Variants in SIPA1L3 observed in about 807,000 individuals in gnomAD.
SIPA1L3 encodes signal-induced proliferation-associated 1-like protein 3.
A neutral mutation model predicts 150.1 loss-of-function variants in SIPA1L3; 59 were observed. The ratio of observed to expected loss-of-function variants is 0.39; its 90% CI spans 0.32 to 0.49. The LOEUF is 0.49. Ranked by LOEUF, SIPA1L3 falls within the 20% of genes least tolerant of loss-of-function variation. The pLI is 0.86. For missense variants in SIPA1L3, 2,211 were observed against 2,489.5 expected, an observed-to-expected ratio of 0.89 and a Z score of 2.38; for synonymous variants, 1,070 against 1,077.6, an observed-to-expected ratio of 0.99 and a Z score of 0.14.
rs1208564710 is a variant in SIPA1L3, at chr19:38,207,341, AG to A, written c.*1105del. The A allele has an allele frequency of 6.6e-6, 1 of 151,414 alleles. No homozygotes were observed. Among genetic ancestry groups the A allele is most frequent in the East Asian group, 2.0e-4 (1 of 5,116 alleles). 9.4% of individuals were successfully genotyped at this position (151,414 alleles called of 1,614,324 possible). ...GGACGCTGGTTCTCTAAAGGCAATA[AG>A]GGGCGGCCATGCCGGTGTGGTACCA... On this transcript the variant is annotated 3_prime_UTR_variant, in exon 22 of 22. Transcript: ENST00000222345.
intron 1 of SIPA1L3, among the ~76,000 whole-genome samples, chr19:37,917,158 G>A (rs184066260): frequency 2.4e-4 from 36 of 152,010 alleles, no homozygotes; most frequent in South Asian, 1.5e-3. Context: ...CACATTAAGC[G>A]TTTGACATAC....
At chr19:38,097,883 C>T (rs1970413509) in intron 4 of SIPA1L3, among the ~76,000 whole-genome samples, 1 of 152,146 alleles carries the variant, frequency 6.6e-6, no homozygotes, top group African/African-American at 2.4e-5. Context: ...TTTGGATATA[C>T]CTCACCATAC....
chr19:38,186,646 C>T (rs559907160), intron 16 of SIPA1L3, among the ~76,000 whole-genome samples: 1 of 151,576 alleles, frequency 6.6e-6, no homozygotes, highest in South Asian at 2.1e-4. Flanking sequence ...TGAGCCACCG[C>T]ACCCGGCCCC....
intron 19 of SIPA1L3, among the ~76,000 whole-genome samples, chr19:38,199,112 G>A (rs1263546305): frequency 1.3e-5 from 2 of 152,178 alleles, no homozygotes; most frequent in Admixed American, 6.5e-5. Context: ...AGGCCTGCAG[G>A]GATCCTCACT....
intron 8 of SIPA1L3, among the ~76,000 whole-genome samples, chr19:38,111,570 C>T (rs1394023258): frequency 6.6e-6 from 1 of 152,178 alleles, no homozygotes; most frequent in Non-Finnish European, 1.5e-5. Flanking sequence ...CCAGTAGTCA[C>T]CGCGAAATTA....
intron 8 of SIPA1L3, among the ~76,000 whole-genome samples, chr19:38,111,024 G>GTTT (rs528494849): frequency 7.2e-6 from 1 of 138,258 alleles, no homozygotes. Context: ...GTTGTTTTGG[G>GTTT]TTTTTTTTTT....
rs766878556 is a variant in SIPA1L3, at chr19:38,192,250, T to C, written c.4536T>C (p.Asp1512=). Residue 1512 remains aspartate (D), a synonymous_variant, in exon 17 of 22, where the codon GAT becomes GAC. Transcript: ENST00000222345. ...PRKNYKSTIE[D]DLKKLIIMDN... ...AGAACTACAAATCCACCATCGAGGA[T>C]GACCTGAAGAAACTCATCATCATGG... 3 of 1,613,372 alleles carry C rather than the reference T, an allele frequency of 1.9e-6. No homozygotes were observed. The South Asian group carries it at 3.3e-5, about 18-fold the overall frequency.
chr19:38,050,210 C>T (rs963763386), intron 2 of SIPA1L3, among the ~76,000 whole-genome samples: 1 of 152,174 alleles, frequency 6.6e-6, no homozygotes, highest in African/African-American at 2.4e-5. Flanking sequence ...AATCCCAACA[C>T]TTTGGGAGGC....
At chr19:37,961,078 AG>A (rs1449515248) in intron 1 of SIPA1L3, among the ~76,000 whole-genome samples, 1 of 151,922 alleles carries the variant, frequency 6.6e-6, no homozygotes, top group Non-Finnish European at 1.5e-5. Flanking sequence ...CATCTTGGCC[AG>A]GGTGATCTTG....
intron 2 of SIPA1L3, among the ~76,000 whole-genome samples, chr19:38,073,008 A>G (rs1969756785): frequency 6.6e-6 from 1 of 152,244 alleles, no homozygotes; most frequent in African/African-American, 2.4e-5. Flanking sequence ...CCACTGGCCC[A>G]GAGGCAATCA....
chr19:38,068,455 G>A lies in SIPA1L3; in HGVS notation c.-310-12801G>A, dbSNP rs546018078. ...ATTCCCACAGCACACTCATTTGAAC[G>A]ATTTCATCTTATTTGGAGCACAGGG... On this transcript the variant is annotated intron_variant, in intron 2 of 21. Coordinates refer to ENST00000222345, the MANE Select transcript of SIPA1L3 (RefSeq NM_015073.3). 3.9e-5 allele frequency among the ~76,000 whole-genome samples: 6 copies of A among 152,270 alleles called. No individual in the cohort carries two copies. The East Asian group carries it at 5.8e-4, about 15-fold the overall frequency.
intron 1 of SIPA1L3, among the ~76,000 whole-genome samples, chr19:37,948,320 G>A (rs2046730827): frequency 6.6e-6 from 1 of 152,062 alleles, no homozygotes; most frequent in African/African-American, 2.4e-5. Flanking sequence ...ACAAAAATTG[G>A]CTGGGCATGG....
intron 9 of SIPA1L3, among the ~76,000 whole-genome samples, chr19:38,129,291 G>A (rs1971254096): frequency 6.6e-6 from 1 of 152,146 alleles, no homozygotes; most frequent in Non-Finnish European, 1.5e-5. Context: ...GTTGGGGGAA[G>A]GTCTGAGGAG....
chr19:37,925,331 G>A (rs948696577), intron 1 of SIPA1L3, among the ~76,000 whole-genome samples: 26 of 152,148 alleles, frequency 1.7e-4, no homozygotes, highest in African/African-American at 5.1e-4. Context: ...GAAATTTTGG[G>A]AAGGGTGGCC....
intron 16 of SIPA1L3, among the ~76,000 whole-genome samples, chr19:38,188,656 C>T (rs778387467): frequency 7.9e-5 from 12 of 151,970 alleles, no homozygotes; most frequent in Non-Finnish European, 1.8e-4. Flanking sequence ...GGCGCGGTGG[C>T]GCATGCCTGT....
intron 1 of SIPA1L3, among the ~76,000 whole-genome samples, chr19:37,997,058 A>G (rs1025494474): frequency 2.0e-5 from 3 of 152,136 alleles, no homozygotes; most frequent in African/African-American, 7.2e-5. Context: ...TGCCTATCCA[A>G]GAAGGTGGTA....
chr19:37,928,062 C>A (rs2046522136), intron 1 of SIPA1L3, among the ~76,000 whole-genome samples: 1 of 152,080 alleles, frequency 6.6e-6, no homozygotes, highest in South Asian at 2.1e-4. Flanking sequence ...GTTCCTTTTC[C>A]TTTGGGTAGA....
At chr19:38,179,012 C>T (rs1166502252) in intron 15 of SIPA1L3, among the ~76,000 whole-genome samples, 4 of 152,218 alleles carry the variant, frequency 2.6e-5, no homozygotes, top group Admixed American at 1.3e-4. Flanking sequence ...TGGGAGTGTT[C>T]AGACCATTCA....
intron 12 of SIPA1L3, among the ~76,000 whole-genome samples, chr19:38,146,760 A>G (rs1971710233): frequency 6.6e-6 from 1 of 152,182 alleles, no homozygotes. Flanking sequence ...TACTTTTGAT[A>G]GGTGTGCAGT....
Sources: gnomAD v4.1 joint callset for allele counts (sites outside exome capture counted in the v4.1 genomes callset) on GRCh38, gnomAD v4.1.1 for gene constraint, MANE v1.5 for transcripts, NCBI Gene and HGNC (gene_info 2026-07-23, HGNC 2026-07-21) for gene names.